The following WDFY3 variants were observed in gnomAD, a reference collection of about 807,000 sequenced individuals.
The protein encoded by WDFY3 is WD repeat and FYVE domain containing 3.
A neutral mutation model predicts 409.6 loss-of-function variants in WDFY3; 66 were observed. That is an observed-to-expected ratio of 0.16 (90% CI 0.13 to 0.20). The LOEUF is 0.20. Ranked by LOEUF, WDFY3 falls within the 10% of genes least tolerant of loss-of-function variation. WDFY3 has a pLI of 1.00. For missense variants in WDFY3, 3,031 were observed against 4,298.1 expected (o/e 0.71, Z 8.24); for synonymous variants, 1,521 against 1,537.1 (o/e 0.99, Z 0.25).
At chr4:84,778,778 GA>G in intron 26 of WDFY3, 123 bp from the exon 27 acceptor site, 2 of 840,606 alleles carry the variant, frequency 2.4e-6, no homozygotes, top group Non-Finnish European at 3.4e-6. Context: ...CATACACACA[GA>G]ATCCTATGTA....
At chr4:84,951,309 T>C (rs530653328) in intron 1 of WDFY3, among the ~76,000 whole-genome samples, 138 of 152,372 alleles carry the variant, frequency 9.1e-4, no homozygotes, top group Non-Finnish European at 1.6e-3. Context: ...ACAAAAATCT[T>C]CAAAACTGCT....
intron 44 of WDFY3, among the ~76,000 whole-genome samples, chr4:84,727,878 CTT>C (rs1735922839): frequency 2.0e-5 from 3 of 152,046 alleles, no homozygotes; most frequent in Admixed American, 1.3e-4. Flanking sequence ...AAAGGTATAT[CTT>C]ATATTGAAAA....
rs150102108 is a variant in WDFY3 at position 84,742,277 on chromosome 4, A to C, written c.6074-356T>G. On this transcript the variant is annotated intron_variant, in intron 37 of 67. Transcript: ENST00000295888. Reference sequence around the variant, plus strand: ...GCTCTTAATTGATTTTGTGTATGTAATAAAGGGTAAAACTGTGAAACAAAA... The same window carrying C: ...GCTCTTAATTGATTTTGTGTATGTACTAAAGGGTAAAACTGTGAAACAAAA... Among the ~76,000 whole-genome samples the C allele has an allele frequency of 2.3e-3, 353 of 152,318 alleles. 1 individual carries two copies. The highest frequency in any genetic ancestry group is 7.9e-3 in the African/African-American group (330 of 41,580).
At position 84,844,916 on chromosome 4, in the gene WDFY3, CAAGA is replaced by C. The variant is rs1350309512; in HGVS notation, c.305-3657_305-3654del. Among the ~76,000 whole-genome samples, 8 of 152,186 alleles carry C rather than the reference CAAGA, an allele frequency of 5.3e-5. No homozygotes were observed. The East Asian group carries it at 1.5e-3, about 29-fold the overall frequency. ...CAAAAGCCACATGGAGGCAAAGGACCAAGAAAGAATTAAGGGAGACAAGGAGACT... is the reference window on the plus strand; with the variant it reads ...CAAAAGCCACATGGAGGCAAAGGACCAAGAATTAAGGGAGACAAGGAGACT... On this transcript the variant is annotated intron_variant, in intron 5 of 67. Coordinates refer to ENST00000295888, the MANE Select transcript of WDFY3 (RefSeq NM_014991.6).
Position 84,724,430 on chromosome 4 carries a change from G to C in WDFY3, c.7437C>G (p.Val2479=). Residue 2479 remains valine, a synonymous_variant, in exon 46 of 68, where the codon GTC becomes GTG. Coordinates refer to ENST00000295888, the MANE Select transcript of WDFY3 (RefSeq NM_014991.6). The stretch of plus-strand genomic sequence containing the variant: ...AAATCAAAAAGGCAGGCTGACCTTT[G>C]ACTTTAGCAATAGTGTCTTCCCCAT... ...PEHGEDTIAK[V]KGLVKPPLKR... 6.2e-7 allele frequency: 1 copy of C among 1,603,920 alleles called. No homozygotes were observed. Among genetic ancestry groups the C allele is most frequent in the Non-Finnish European group, 8.5e-7 (1 of 1,175,838 alleles).
chr4:84,908,208 TACAG>T (rs962886591), intron 2 of WDFY3, among the ~76,000 whole-genome samples: 4 of 152,114 alleles, frequency 2.6e-5, no homozygotes, highest in Admixed American at 2.0e-4. Context: ...CCTCCTCTAA[TACAG>T]ACAGTTAAAA....
chr4:84,681,461 A>G (rs775253298), intron 64 of WDFY3, among the ~76,000 whole-genome samples: 37 of 152,330 alleles, frequency 2.4e-4, no homozygotes, highest in Non-Finnish European at 4.6e-4. Flanking sequence ...AGAAATTTAC[A>G]TGTACTAATA....
chr4:84,688,361 C>A, intron 61 of WDFY3, 96 bp from the exon 62 acceptor site: 1 of 1,242,588 alleles, frequency 8.0e-7, no homozygotes, highest in Non-Finnish European at 1.1e-6. Flanking sequence ...GAAGCAGTGG[C>A]ACGCATGCTA....
intron 17 of WDFY3, among the ~76,000 whole-genome samples, chr4:84,801,147 A>G (rs1203080167): frequency 1.3e-5 from 2 of 152,220 alleles, no homozygotes; most frequent in Non-Finnish European, 2.9e-5. Context: ...ACATGATACA[A>G]TAACAGATAA....
chr4:84,778,523 C>A lies in WDFY3; in HGVS notation c.4498G>T (p.Asp1500Tyr), dbSNP rs1429551137. The A allele has an allele frequency of 6.2e-7, 1 of 1,604,728 alleles. No individual in the cohort carries two copies. The highest frequency in any genetic ancestry group is 1.1e-5 in the South Asian group (1 of 89,078). ...SIIPNSTAFQ[D>Y]LLCDFEVWLH... The stretch of plus-strand genomic sequence containing the variant: ...CATACTTCAAAATCACAGAGGAGGT[C>A]CTGGAAAGCAGTTGAATTTGGAATA... The change falls in exon 27 of 68, where the codon GAC (aspartate) becomes TAC (tyrosine). Residue 1500 changes from aspartate to tyrosine, a missense_variant. By Grantham distance (160) the Asp-to-Tyr change is radical. Transcript: ENST00000295888.
intron 13 of WDFY3, among the ~76,000 whole-genome samples, chr4:84,810,934 C>CATT (rs10672333): frequency 1.3e-5 from 2 of 152,078 alleles, no homozygotes; most frequent in Non-Finnish European, 2.9e-5. Context: ...AAAAAGAAAA[C>CATT]AAGTAAATAA....
At chr4:84,754,011 T>C (rs1201677904) in intron 34 of WDFY3, 135 bp from the exon 35 acceptor site, 14 of 975,874 alleles carry the variant, frequency 1.4e-5, no homozygotes, top group Non-Finnish European at 1.8e-5. Context: ...ACCACACATA[T>C]GAGCAAACAC....
intron 3 of WDFY3, among the ~76,000 whole-genome samples, chr4:84,891,098 C>T (rs1015404362): frequency 3.9e-5 from 6 of 152,122 alleles, no homozygotes; most frequent in Admixed American, 3.3e-4. Context: ...CATAGTTTGC[C>T]ACCCTACAAC....
chr4:84,803,783 A>G (rs1039551514), intron 15 of WDFY3: 3 of 189,578 alleles, frequency 1.6e-5, no homozygotes, highest in African/African-American at 7.0e-5. Context: ...AAGTACAATC[A>G]CAGTGATTCA....
chr4:84,826,524 AT>A (rs1229037927), intron 10 of WDFY3, among the ~76,000 whole-genome samples: 1 of 152,230 alleles, frequency 6.6e-6, no homozygotes, highest in Non-Finnish European at 1.5e-5. Context: ...AAGTGCCAAC[AT>A]TCAAAAGAAG....
At chr4:84,682,584 T>C (rs1035975951) in intron 63 of WDFY3, 114 bp from the exon 64 acceptor site, 15 of 826,126 alleles carry the variant, frequency 1.8e-5, no homozygotes, top group Non-Finnish European at 2.7e-5. Context: ...ATTTCCATCA[T>C]GTTATACAGT....
intron 32 of WDFY3, among the ~76,000 whole-genome samples, chr4:84,758,519 A>G (rs1741856706): frequency 6.6e-6 from 1 of 152,210 alleles, no homozygotes; most frequent in African/African-American, 2.4e-5. Context: ...AAGCACTAAG[A>G]TTACAGGCAT....
At position 84,758,838 on chromosome 4, in the gene WDFY3, G is replaced by C. The variant is rs116567864; in HGVS notation, c.5189-1677C>G. On this transcript the variant is annotated intron_variant, in intron 32 of 67. Coordinates refer to ENST00000295888, the MANE Select transcript of WDFY3 (RefSeq NM_014991.6). ...TTTTACAACATAGAAAACATGATTT[G>C]TTCAAAGTCACAATGTGTTTTAGAC... Among the ~76,000 whole-genome samples, 1,502 of 152,246 alleles carry C rather than the reference G, an allele frequency of 9.9e-3. 23 individuals are homozygous for C. Among genetic ancestry groups the C allele is most frequent in the African/African-American group, 0.034 (1,433 of 41,552 alleles).
At chr4:84,916,381 A>G (rs1434654410) in intron 2 of WDFY3, among the ~76,000 whole-genome samples, 1 of 152,222 alleles carries the variant, frequency 6.6e-6, no homozygotes, top group Non-Finnish European at 1.5e-5. Context: ...CTCAATGAGA[A>G]AAAGAAACCA....
Sources: gnomAD v4.1 joint callset for allele counts (sites outside exome capture counted in the v4.1 genomes callset) on GRCh38, gnomAD v4.1.1 for gene constraint, MANE v1.5 for transcripts, NCBI Gene and HGNC (gene_info 2026-07-23, HGNC 2026-07-21) for gene names.